The following CSMD1 variants were observed in gnomAD, a reference collection of about 807,000 sequenced individuals.
The protein encoded by CSMD1 is CUB and Sushi multiple domains 1.
In CSMD1, 213 loss-of-function variants were observed where a neutral mutation model predicts 417.5. That is an observed-to-expected ratio of 0.51 (90% CI 0.46 to 0.57). CSMD1 has a LOEUF of 0.57. CSMD1 is among the 20% of genes least tolerant of loss of function. CSMD1 has a pLI of 0.00. For missense variants in CSMD1, 6,923 were observed against 4,529.7 expected (o/e 1.53, Z -15.17); for synonymous variants, 2,862 against 1,736.8 (o/e 1.65, Z -16.11).
chr8:3,547,204 G>A (rs1474687746), intron 10 of CSMD1, among the ~76,000 whole-genome samples: 1 of 152,220 alleles, frequency 6.6e-6, no homozygotes, highest in East Asian at 1.9e-4. Flanking sequence ...AGGGCCACAT[G>A]GCTTTGACTT....
chr8:4,430,468 A>C (rs1198973460), intron 2 of CSMD1, among the ~76,000 whole-genome samples: 1 of 152,170 alleles, frequency 6.6e-6, no homozygotes, highest in African/African-American at 2.4e-5. Flanking sequence ...ATGGTGATTT[A>C]ATAGACATGG....
intron 2 of CSMD1, among the ~76,000 whole-genome samples, chr8:4,631,414 A>G (rs1232557030): frequency 5.3e-5 from 7 of 132,320 alleles, no homozygotes; most frequent in Admixed American, 5.1e-4. Context: ...TTTTTTTTTT[A>G]ATCAGTCCAT....
At chr8:4,156,732 A>G (rs978367751) in intron 3 of CSMD1, among the ~76,000 whole-genome samples, 1 of 152,170 alleles carries the variant, frequency 6.6e-6, no homozygotes, top group Non-Finnish European at 1.5e-5. Flanking sequence ...CAGTGGGGCC[A>G]GTGACAGCTT....
rs116504625 is a variant in CSMD1, at chr8:3,044,592, G to A, written c.7660+7870C>T. 8.7e-3 allele frequency among the ~76,000 whole-genome samples: 1,314 copies of A among 151,796 alleles called. 27 individuals are homozygous for A. The highest frequency in any genetic ancestry group is 0.03 in the African/African-American group (1,241 of 41,362). ...TCATCATGTCATTAGCATGAATCGTGTCTTCGATGATCCAAATCCAGTCTC... is the reference window on the plus strand; with the variant it reads ...TCATCATGTCATTAGCATGAATCGTATCTTCGATGATCCAAATCCAGTCTC... On this transcript the variant is annotated intron_variant, in intron 50 of 69. Coordinates refer to ENST00000635120, the MANE Select transcript of CSMD1 (RefSeq NM_033225.6).
At chr8:4,409,492 GAAC>G (rs1563143303) in intron 3 of CSMD1, among the ~76,000 whole-genome samples, 1 of 152,072 alleles carries the variant, frequency 6.6e-6, no homozygotes, top group East Asian at 1.9e-4. Context: ...TGATATTTGA[GAAC>G]AATAAAAATG....
intron 3 of CSMD1, among the ~76,000 whole-genome samples, chr8:4,247,506 G>A (rs967414369): frequency 6.6e-6 from 1 of 152,092 alleles, no homozygotes; most frequent in Non-Finnish European, 1.5e-5. Context: ...TTCTTTCGGT[G>A]TAGAAATTTA....
chr8:3,256,323 A>AAAGAC lies in CSMD1; in HGVS notation c.4154-26093_4154-26092insGTCTT, dbSNP rs1554487842. Among the ~76,000 whole-genome samples the AAAGAC allele has an allele frequency of 2.9e-5, 4 of 138,024 alleles. No individual in the cohort carries two copies. The Admixed American group carries it at 2.9e-4, about 10-fold the overall frequency. 90.5% of individuals were successfully genotyped at this position (138,024 alleles called of 152,430 possible). ...CTAAGTCTCAAGAAAAAAAAAAAAA[A>AAAGAC]AAGAGAAGAAAGGAAGGAAAGAAAG... On this transcript the variant is annotated intron_variant, in intron 26 of 69. Coordinates refer to ENST00000635120, the MANE Select transcript of CSMD1 (RefSeq NM_033225.6).
At chr8:4,314,106 T>G (rs1798784206) in intron 3 of CSMD1, among the ~76,000 whole-genome samples, 1 of 152,052 alleles carries the variant, frequency 6.6e-6, no homozygotes, top group Non-Finnish European at 1.5e-5. Context: ...GATTCAACAC[T>G]GATACCACCA....
In CSMD1 at chr8:3,439,154, C is replaced by CAAAAAAAAAAAAAAAAAAAAAAAAAAA. The variant is rs1563390150; in HGVS notation, c.1562-29550_1562-29549insTTTTTTTTTTTTTTTTTTTTTTTTTTT. ...AAAAAAAAAAAAAAAAAAAAAAAAC[C>CAAAAAAAAAAAAAAAAAAAAAAAAAAA]AAGAAAAAAAAAAGAAAAAGAAAAA... On this transcript the variant is annotated intron_variant, in intron 12 of 69. Coordinates refer to ENST00000635120, the MANE Select transcript of CSMD1 (RefSeq NM_033225.6). 2.5e-3 allele frequency among the ~76,000 whole-genome samples: 66 copies of CAAAAAAAAAAAAAAAAAAAAAAAAAAA among 26,600 alleles called. 5 individuals are homozygous for CAAAAAAAAAAAAAAAAAAAAAAAAAAA. The highest frequency in any genetic ancestry group is 4.2e-3 in the African/African-American group (24 of 5,690). The allele number at this position is 26,600 out of a possible 152,430, so 17.5% of individuals were successfully genotyped here.
At chr8:4,137,320 C>T (rs998442782) in intron 3 of CSMD1, among the ~76,000 whole-genome samples, 2 of 152,266 alleles carry the variant, frequency 1.3e-5, no homozygotes, top group East Asian at 1.9e-4. Context: ...GGCACTCAGG[C>T]TAACCTTGCA....
intron 23 of CSMD1, among the ~76,000 whole-genome samples, chr8:3,331,490 A>T (rs1048735529): frequency 2.6e-5 from 4 of 152,200 alleles, no homozygotes; most frequent in African/African-American, 9.6e-5. Flanking sequence ...ACAGGGTTTG[A>T]ATCCTGGTGC....
At position 3,616,782 on chromosome 8, in the gene CSMD1, A is replaced by G; in HGVS notation, c.1025T>C (p.Val342Ala). Reference protein sequence around the residue: ...HKNSVLSQGGVALVSDMCPDP... With the variant: ...HKNSVLSQGGAALVSDMCPDP... ...TGGACACATGTCAGAGACCAATGCAACACCTCCTTGGCTCACTGTAATAGA... is the reference window on the plus strand; with the variant it reads ...TGGACACATGTCAGAGACCAATGCAGCACCTCCTTGGCTCACTGTAATAGA... Residue 342 changes from valine (V) to alanine (A), a missense_variant, in exon 8 of 70, where the codon GTT (valine) becomes GCT (alanine). By Grantham distance (64) the Val-to-Ala change is moderately conservative (BLOSUM62 0). Coordinates refer to ENST00000635120, the MANE Select transcript of CSMD1 (RefSeq NM_033225.6). 1 of 1,611,300 alleles carries G rather than the reference A, an allele frequency of 6.2e-7. No homozygotes were observed. The highest frequency in any genetic ancestry group is 1.3e-5 in the African/African-American group (1 of 74,974).
At chr8:4,234,080 A>T (rs1801902534) in intron 3 of CSMD1, among the ~76,000 whole-genome samples, 2 of 152,180 alleles carry the variant, frequency 1.3e-5, no homozygotes, top group South Asian at 4.1e-4. Context: ...CCCCTGCCTA[A>T]GTACTAACCT....
intron 2 of CSMD1, among the ~76,000 whole-genome samples, chr8:4,553,667 T>G (rs933300041): frequency 6.6e-6 from 1 of 152,208 alleles, no homozygotes; most frequent in African/African-American, 2.4e-5. Flanking sequence ...CATAACTATC[T>G]TCAGCACATT....
At chr8:4,931,584 G>C (rs991962333) in intron 1 of CSMD1, among the ~76,000 whole-genome samples, 8 of 151,724 alleles carry the variant, frequency 5.3e-5, no homozygotes, top group African/African-American at 1.7e-4. Flanking sequence ...AAAAAAGTCT[G>C]GTTTATAGCT....
At position 3,430,437 on chromosome 8, in the gene CSMD1, G is replaced by T. The variant is rs542276534; in HGVS notation, c.1562-20832C>A. Among the ~76,000 whole-genome samples, 5 of 152,236 alleles carry T rather than the reference G, an allele frequency of 3.3e-5. No individual in the cohort carries two copies. The East Asian group carries it at 9.6e-4, about 29-fold the overall frequency. ...ATGCTGAACAAATTGTCTGACATATGTAGTAGGTATTTAATTAATGTTTAT... is the reference window on the plus strand; with the variant it reads ...ATGCTGAACAAATTGTCTGACATATTTAGTAGGTATTTAATTAATGTTTAT... On this transcript the variant is annotated intron_variant, in intron 12 of 69. Coordinates refer to ENST00000635120, the MANE Select transcript of CSMD1 (RefSeq NM_033225.6).
intron 24 of CSMD1, among the ~76,000 whole-genome samples, chr8:3,308,062 T>C: frequency 3.3e-5 from 1 of 30,364 alleles, no homozygotes; most frequent in Non-Finnish European, 7.3e-5. Context: ...ATGTGATAAT[T>C]CTAATAATAT....
intron 2 of CSMD1, among the ~76,000 whole-genome samples, chr8:4,500,050 G>A (rs1405957247): frequency 6.6e-6 from 1 of 150,986 alleles, no homozygotes; most frequent in Non-Finnish European, 1.5e-5. Context: ...AGTATAAAGA[G>A]GCTGGGAGAA....
At chr8:4,323,008 A>C (rs1799354899) in intron 3 of CSMD1, among the ~76,000 whole-genome samples, 1 of 152,232 alleles carries the variant, frequency 6.6e-6, no homozygotes, top group Non-Finnish European at 1.5e-5. Flanking sequence ...AAAATATAAA[A>C]TAAAATAAAA....
Sources: gnomAD v4.1 joint callset for allele counts (sites outside exome capture counted in the v4.1 genomes callset) on GRCh38, gnomAD v4.1.1 for gene constraint, MANE v1.5 for transcripts, NCBI Gene and HGNC (gene_info 2026-07-23, HGNC 2026-07-21) for gene names.